VPS13B: variants seen among roughly 807,000 people sequenced by gnomAD.
VPS13B encodes vacuolar protein sorting 13 homolog B.
Under a neutral mutation model 426.4 loss-of-function variants are expected in VPS13B, and 285 were observed. The ratio of observed to expected loss-of-function variants is 0.67; its 90% CI spans 0.61 to 0.74. The LOEUF is 0.74. VPS13B is among the 30% of genes least tolerant of loss of function. The pLI, the probability that VPS13B is intolerant of heterozygous loss-of-function variation, is 0.00. For missense variants in VPS13B, 4,537 were observed against 4,782.6 expected (o/e 0.95, Z 1.51); for synonymous variants, 1,676 against 1,676.4 (o/e 1.00, Z 0.01).
intron 19 of VPS13B, among the ~76,000 whole-genome samples, chr8:99,358,108 C>T (rs1812288575): frequency 6.6e-6 from 1 of 152,026 alleles, no homozygotes; most frequent in Admixed American, 6.6e-5. Flanking sequence ...TTTCTGAAGC[C>T]AGACCGCTGC....
At chr8:99,362,104 A>G (rs1588293060) in intron 19 of VPS13B, among the ~76,000 whole-genome samples, 1 of 148,522 alleles carries the variant, frequency 6.7e-6, no homozygotes, top group Admixed American at 6.7e-5. Context: ...TACTAAATAA[A>G]TGTTGATAAG....
intron 39 of VPS13B, among the ~76,000 whole-genome samples, chr8:99,758,676 A>G (rs1588688651): frequency 6.6e-6 from 1 of 152,074 alleles, no homozygotes; most frequent in East Asian, 1.9e-4. Flanking sequence ...GTCACCACCC[A>G]AACTATAAGA....
intron 35 of VPS13B, among the ~76,000 whole-genome samples, chr8:99,690,249 C>A (rs76126670): frequency 9.3e-4 from 141 of 152,132 alleles, no homozygotes; most frequent in African/African-American, 3.0e-3. Flanking sequence ...GATATCCACA[C>A]ATAAAAGAAT....
At chr8:99,745,949 AT>A (rs1810062366) in intron 39 of VPS13B, among the ~76,000 whole-genome samples, 2 of 151,986 alleles carry the variant, frequency 1.3e-5, no homozygotes, top group South Asian at 4.1e-4. Flanking sequence ...CTGTGTTTAG[AT>A]TTGGTTTGTT....
chr8:99,475,627 G>T (rs928939254), intron 24 of VPS13B, among the ~76,000 whole-genome samples: 11 of 152,152 alleles, frequency 7.2e-5, no homozygotes, highest in African/African-American at 2.7e-4. Context: ...TATCCACATT[G>T]TTTGGAGCTA....
chr8:99,487,259 G>A (rs573190532), intron 25 of VPS13B, among the ~76,000 whole-genome samples: 1 of 152,160 alleles, frequency 6.6e-6, no homozygotes, highest in Admixed American at 6.5e-5. Flanking sequence ...AATTCACCTG[G>A]CATTTTATCC....
chr8:99,130,537 G>A (rs1296187221), intron 8 of VPS13B, among the ~76,000 whole-genome samples: 1 of 151,798 alleles, frequency 6.6e-6, no homozygotes, highest in Admixed American at 6.6e-5. Flanking sequence ...ACAGGTGCCC[G>A]CCACCATGCC....
intron 21 of VPS13B, among the ~76,000 whole-genome samples, chr8:99,406,503 A>G (rs1815339855): frequency 6.6e-6 from 1 of 152,226 alleles, no homozygotes; most frequent in South Asian, 2.1e-4. Context: ...ACAGATATTT[A>G]TCAAATATTC....
chr8:99,450,038 C>T (rs763045077), intron 23 of VPS13B, among the ~76,000 whole-genome samples: 2 of 152,044 alleles, frequency 1.3e-5, no homozygotes, highest in African/African-American at 4.8e-5. Flanking sequence ...TTCTTGACCT[C>T]GTGATCCACC....
intron 39 of VPS13B, among the ~76,000 whole-genome samples, chr8:99,727,253 G>A (rs991886019): frequency 2.0e-5 from 3 of 152,126 alleles, no homozygotes; most frequent in African/African-American, 4.8e-5. Context: ...ACCTCACTGA[G>A]AAATGTGGAA....
chr8:99,210,121 C>T (rs964721288), intron 17 of VPS13B, among the ~76,000 whole-genome samples: 1 of 152,052 alleles, frequency 6.6e-6, no homozygotes, highest in African/African-American at 2.4e-5. Flanking sequence ...TTATGTAGGG[C>T]TGGTTCTAGG....
intron 43 of VPS13B, among the ~76,000 whole-genome samples, chr8:99,790,640 G>C (rs1812494510): frequency 6.6e-6 from 1 of 152,136 alleles, no homozygotes; most frequent in Non-Finnish European, 1.5e-5. Context: ...ATCTGGATAT[G>C]AACAAAGTCT....
chr8:99,404,185 G>A (rs1815205492), intron 21 of VPS13B, among the ~76,000 whole-genome samples: 1 of 152,086 alleles, frequency 6.6e-6, no homozygotes, highest in Admixed American at 6.5e-5. Flanking sequence ...TAATTTTAAA[G>A]TTCTTTGAGA....
chr8:99,076,967 T>G (rs1670145282), intron 3 of VPS13B, among the ~76,000 whole-genome samples: 1 of 152,152 alleles, frequency 6.6e-6, no homozygotes, highest in African/African-American at 2.4e-5. Context: ...GTTTCGTGTT[T>G]TTCTGTATTT....
intron 5 of VPS13B, among the ~76,000 whole-genome samples, chr8:99,108,566 A>T (rs1847175713): frequency 6.6e-6 from 1 of 152,058 alleles, no homozygotes; most frequent in African/African-American, 2.4e-5. Context: ...CTTGGCCCCT[A>T]TATAGAAAAT....
chr8:99,635,598 A>C (rs1699176024), intron 33 of VPS13B, among the ~76,000 whole-genome samples: 1 of 152,032 alleles, frequency 6.6e-6, no homozygotes, highest in African/African-American at 2.4e-5. Context: ...TCAGCCATCA[A>C]AACAAAAATT....
intron 35 of VPS13B, among the ~76,000 whole-genome samples, chr8:99,682,606 G>C (rs1200197027): frequency 1.3e-5 from 2 of 152,034 alleles, no homozygotes; most frequent in African/African-American, 2.4e-5. Context: ...AAGAGACTCA[G>C]TACAGAGTTT....
At chr8:99,056,772 A>G (rs781702922) in intron 3 of VPS13B, among the ~76,000 whole-genome samples, 7 of 152,210 alleles carry the variant, frequency 4.6e-5, no homozygotes, top group Non-Finnish European at 8.8e-5. Flanking sequence ...TTAATGCTCT[A>G]TCTTTGTGCT....
intron 34 of VPS13B, among the ~76,000 whole-genome samples, chr8:99,653,556 A>C (rs948640832): frequency 6.6e-6 from 1 of 152,126 alleles, no homozygotes; most frequent in African/African-American, 2.4e-5. Flanking sequence ...TTAATATGAA[A>C]CAACCAAATT....
Sources: allele counts gnomAD v4.1 joint callset (sites outside exome capture counted in the v4.1 genomes callset), GRCh38; gene constraint gnomAD v4.1.1; transcripts MANE v1.5; gene names NCBI Gene and HGNC (gene_info 2026-07-23, HGNC 2026-07-21).